MIPOL1: variants seen among roughly 807,000 people sequenced by gnomAD.
MIPOL1 encodes mirror-image polydactyly 1, also known as mirror-image polydactyly gene 1 protein.
A neutral mutation model predicts 60.9 loss-of-function variants in MIPOL1; 57 were observed. The observed-to-expected ratio is 0.94, with a 90% CI of 0.76 to 1.17. The LOEUF is 1.17. Ranked by LOEUF, MIPOL1 falls within the 50% of genes most tolerant of loss-of-function variation. MIPOL1 has a pLI of 0.00. For missense variants in MIPOL1, 551 were observed against 511.6 expected (o/e 1.08, Z -0.74); for synonymous variants, 179 against 168.8 (o/e 1.06, Z -0.47).
chr14:37,442,180 A>G (rs527436130), intron 11 of MIPOL1, among the ~76,000 whole-genome samples: 45 of 151,108 alleles, frequency 3.0e-4, no homozygotes, highest in African/African-American at 6.1e-4. Flanking sequence ...GCTGAATGTT[A>G]TTGTTGTACA....
At chr14:37,451,854 G>C (rs1266794440) in intron 11 of MIPOL1, among the ~76,000 whole-genome samples, 1 of 128,016 alleles carries the variant, frequency 7.8e-6, no homozygotes, top group Non-Finnish European at 1.5e-5. Context: ...TCGCTCTGTG[G>C]CCCAGGTGGA....
At chr14:37,271,479 T>G (rs891420809) in intron 6 of MIPOL1, among the ~76,000 whole-genome samples, 2 of 152,030 alleles carry the variant, frequency 1.3e-5, no homozygotes. Context: ...CTTTAAAATA[T>G]GATTGTGGAA....
At chr14:37,467,434 C>T (rs2094612702) in intron 11 of MIPOL1, among the ~76,000 whole-genome samples, 2 of 152,132 alleles carry the variant, frequency 1.3e-5, no homozygotes, top group African/African-American at 4.8e-5. Context: ...TGATAAATAT[C>T]ATTTTTTATA....
chr14:37,285,495 A>C (rs1220080027), intron 7 of MIPOL1, 48 bp downstream of exon 7: 1 of 1,584,216 alleles, frequency 6.3e-7, no homozygotes, highest in Non-Finnish European at 8.6e-7. Context: ...CACTTATAAA[A>C]GGCATGCTTT....
At chr14:37,526,352 G>A (rs2095446212) in intron 12 of MIPOL1, among the ~76,000 whole-genome samples, 1 of 150,780 alleles carries the variant, frequency 6.6e-6, no homozygotes, top group South Asian at 2.1e-4. Flanking sequence ...AAGGCAAAGT[G>A]GACTTTTACT....
chr14:37,491,005 T>C (rs1345716534), intron 11 of MIPOL1, among the ~76,000 whole-genome samples: 2 of 152,238 alleles, frequency 1.3e-5, no homozygotes, highest in Non-Finnish European at 2.9e-5. Flanking sequence ...TATAAATTTT[T>C]CATTTTAGTG....
At chr14:37,286,861 A>G (rs12888204) in intron 7 of MIPOL1, among the ~76,000 whole-genome samples, 80,637 of 152,056 alleles carry the variant, frequency 0.53, 24,200 homozygotes, top group Non-Finnish European at 0.66. Context: ...ATTATTTCAA[A>G]TATTTTCTCT....
At chr14:37,200,492 CAG>C (rs1338655287) in intron 1 of MIPOL1, among the ~76,000 whole-genome samples, 1 of 152,030 alleles carries the variant, frequency 6.6e-6, no homozygotes, top group Non-Finnish European at 1.5e-5. Flanking sequence ...TTTATGGAAA[CAG>C]AAAATATTTG....
At position 37,255,194 on chromosome 14, in the gene MIPOL1, C is replaced by T. The variant is rs567265327; in HGVS notation, c.19+7287C>T. On this transcript the variant is annotated intron_variant, in intron 3 of 12. Coordinates refer to ENST00000684589, the MANE Select transcript of MIPOL1 (RefSeq NM_001388067.1). ...ATTACTGAATCTTTAATTTTCTACA[C>T]ATGAGAATTTCAGCTTGTCATATTT... Among the ~76,000 whole-genome samples, 10 of 151,810 alleles carry T rather than the reference C, an allele frequency of 6.6e-5. No individual in the cohort carries two copies. The South Asian group carries it at 1.9e-3, about 28-fold the overall frequency.
intron 1 of MIPOL1, among the ~76,000 whole-genome samples, chr14:37,213,661 G>T (rs1391609696): frequency 1.3e-5 from 2 of 152,126 alleles, no homozygotes; most frequent in African/African-American, 4.8e-5. Context: ...TTTATTCAAA[G>T]GGATAATAAT....
chr14:37,327,780 T>C (rs920480065), intron 9 of MIPOL1, among the ~76,000 whole-genome samples: 2 of 152,160 alleles, frequency 1.3e-5, no homozygotes, highest in African/African-American at 4.8e-5. Flanking sequence ...AAAGAAACTA[T>C]TATTTTGCTC....
chr14:37,521,961 C>T (rs904307934), intron 12 of MIPOL1, among the ~76,000 whole-genome samples: 5 of 149,150 alleles, frequency 3.4e-5, no homozygotes, highest in African/African-American at 1.2e-4. Flanking sequence ...AACATTACCA[C>T]CTTTGGCTAC....
intron 1 of MIPOL1, chr14:37,240,644 C>T (rs370934907): frequency 4.6e-5 from 7 of 152,208 alleles, no homozygotes; most frequent in African/African-American, 1.7e-4. Flanking sequence ...TAGGGCAAAA[C>T]GTTTCAGGAT....
chr14:37,329,355 A>C (rs2089478091), intron 9 of MIPOL1, among the ~76,000 whole-genome samples: 1 of 152,172 alleles, frequency 6.6e-6, no homozygotes, highest in Non-Finnish European at 1.5e-5. Flanking sequence ...GTACACAAAT[A>C]TTTACTTGCT....
intron 4 of MIPOL1, among the ~76,000 whole-genome samples, chr14:37,267,553 C>T (rs932965142): frequency 6.6e-6 from 1 of 151,228 alleles, no homozygotes; most frequent in Non-Finnish European, 1.5e-5. Context: ...TCCCTTTCTT[C>T]CTCTTTCCTT....
At chr14:37,302,915 C>T (rs1268431253) in intron 7 of MIPOL1, among the ~76,000 whole-genome samples, 2 of 151,674 alleles carry the variant, frequency 1.3e-5, no homozygotes, top group Non-Finnish European at 2.9e-5. Flanking sequence ...AACCTTTTTA[C>T]AAAATTTCAG....
chr14:37,344,652 C>T (rs2090814508), intron 9 of MIPOL1, among the ~76,000 whole-genome samples: 1 of 152,036 alleles, frequency 6.6e-6, no homozygotes, highest in Non-Finnish European at 1.5e-5. Context: ...AGATAACATT[C>T]CTGTTATCTT....
At chr14:37,296,860 G>A (rs1288067546) in intron 7 of MIPOL1, among the ~76,000 whole-genome samples, 8 of 152,186 alleles carry the variant, frequency 5.3e-5, no homozygotes, top group Admixed American at 2.0e-4. Flanking sequence ...ATTCACAGCC[G>A]AATTCTACCA....
At chr14:37,331,970 T>G (rs961273098) in intron 9 of MIPOL1, among the ~76,000 whole-genome samples, 5 of 151,938 alleles carry the variant, frequency 3.3e-5, no homozygotes, top group African/African-American at 4.8e-5. Context: ...CCAGGATGTC[T>G]CTACTAAAAA....
Sources: allele counts gnomAD v4.1 joint callset (sites outside exome capture counted in the v4.1 genomes callset), GRCh38; gene constraint gnomAD v4.1.1; transcripts MANE v1.5; gene names NCBI Gene and HGNC (gene_info 2026-07-23, HGNC 2026-07-21).